The following PARP6 variants were observed in gnomAD, a reference collection of about 807,000 sequenced individuals.
The protein encoded by PARP6 is protein mono-ADP-ribosyltransferase PARP6.
PARP6 carries 27 observed loss-of-function variants against 92.0 expected under a neutral mutation model. The observed-to-expected ratio is 0.29, with a 90% CI of 0.22 to 0.40. PARP6 has a LOEUF of 0.40. PARP6 is among the 10% of genes least tolerant of loss of function. The pLI is 1.00. For missense variants in PARP6, 501 were observed against 784.5 expected, an observed-to-expected ratio of 0.64 and a Z score of 4.32; for synonymous variants, 272 against 281.2, an observed-to-expected ratio of 0.97 and a Z score of 0.33.
At chr15:72,262,416 CT>C (rs2086013729) in intron 8 of PARP6, among the ~76,000 whole-genome samples, 2 of 152,156 alleles carry the variant, frequency 1.3e-5, no homozygotes, top group Admixed American at 1.3e-4. Flanking sequence ...TAAGGTGACC[CT>C]TCTACCTAAG....
At chr15:72,266,040 G>A in intron 4 of PARP6, 49 bp from the exon 5 acceptor site, 1 of 1,172,384 alleles carries the variant, frequency 8.5e-7, no homozygotes, top group South Asian at 1.2e-5. Context: ...AAAAGACGAG[G>A]GAAAGAGAGA....
intron 20 of PARP6, among the ~76,000 whole-genome samples, chr15:72,246,333 A>G (rs1261030135): frequency 6.6e-6 from 1 of 152,170 alleles, no homozygotes; most frequent in African/African-American, 2.4e-5. Flanking sequence ...TATTTTTAGT[A>G]GAGACAGGGT....
In PARP6 at chr15:72,250,054, T is replaced by C. The variant is rs780304640; in HGVS notation, c.1457A>G (p.Asn486Ser). Residue 486 changes from asparagine to serine, a missense_variant, in exon 19 of 24, where the codon AAT becomes AGT. This residue lies in a region of PARP6 where 191 missense variants were observed against 399.1 expected (regional missense o/e 0.48). Transcript: ENST00000569795. ...HIENWHSILR[N>S]GLVNASYTKL... Reference sequence around the variant, plus strand: ...GGTGTAGGATGCATTGACCAGCCCATTGCGCAGGATCGAATGCCAGTTCTC... The same window carrying C: ...GGTGTAGGATGCATTGACCAGCCCACTGCGCAGGATCGAATGCCAGTTCTC... The C allele has an allele frequency of 6.8e-6, 11 of 1,611,924 alleles. No individual in the cohort carries two copies. In the Admixed American group the frequency reaches 1.3e-4, roughly 20 times the overall value.
At position 72,241,500 on chromosome 15, in the gene PARP6, C is replaced by T. The variant is rs758453228; in HGVS notation, c.1848G>A (p.Gln616=). ...ANINTQDPKI[Q]KEIMRVIGTQ... ...TTCCGATCACACGCATGATTTCCTT[C>T]TGTATCTTGGGGTCCTGAGTATTAA... Residue 616 remains glutamine (Q), a synonymous_variant, in exon 24 of 24, where the codon CAG becomes CAA. Coordinates refer to ENST00000569795, the MANE Select transcript of PARP6 (RefSeq NM_001323532.2). This position sits in a 1 kb window ranked among gnomAD's most constrained non-coding sequence, Gnocchi z 4.1. The T allele has an allele frequency of 1.2e-6, 2 of 1,614,176 alleles. No homozygotes were observed. The highest frequency in any genetic ancestry group is 2.2e-5 in the South Asian group (2 of 91,080).
intron 20 of PARP6, chr15:72,243,911 T>C (rs571969445): frequency 6.6e-6 from 1 of 152,380 alleles, no homozygotes; most frequent in African/African-American, 2.4e-5. Context: ...CTCATAGCCA[T>C]GGTGTAGAAA....
chr15:72,265,259 A>ACAGT, intron 6 of PARP6, 88 bp from the exon 7 acceptor site: 1 of 1,033,072 alleles, frequency 9.7e-7, no homozygotes, highest in Admixed American at 1.8e-5. Context: ...CATGCACATG[A>ACAGT]CAGTACACAC....
rs1186657118 is a variant in PARP6, at chr15:72,272,545, G to A, written c.-612C>T. On this transcript the variant is annotated 5_prime_UTR_variant, in exon 1 of 24. Coordinates refer to ENST00000569795, the MANE Select transcript of PARP6 (RefSeq NM_001323532.2). ...CGCGGCCGCAGCCGACGGGACGAGC[G>A]GCCCGGGACGCCCCGCGGGGGCGGA... 1 of 150,862 alleles carries A rather than the reference G, an allele frequency of 6.6e-6. No homozygotes were observed. The highest frequency in any genetic ancestry group is 2.4e-5 in the African/African-American group (1 of 41,274). 9.3% of individuals were successfully genotyped at this position (150,862 alleles called of 1,614,324 possible). A position where few individuals can be genotyped will look rare whatever the true frequency, so the allele number is the denominator to read the frequency against.
At position 72,242,906 on chromosome 15, in the gene PARP6, T is replaced by C. The variant is rs974129990; in HGVS notation, c.1562-207A>G. 3.6e-6 allele frequency: 2 copies of C among 555,576 alleles called. No individual in the cohort carries two copies. Among genetic ancestry groups the C allele is most frequent in the Admixed American group, 3.5e-5 (1 of 28,656 alleles). 34.4% of individuals were successfully genotyped at this position (555,576 alleles called of 1,614,324 possible). ...TGGTAAGGGGTTGTGATGCAGATTATAGAGCATGGTGTGAGCCTAGAGGAG... is the reference window on the plus strand; with the variant it reads ...TGGTAAGGGGTTGTGATGCAGATTACAGAGCATGGTGTGAGCCTAGAGGAG... On this transcript the variant is annotated intron_variant, in intron 20 of 23. Coordinates refer to ENST00000569795, the MANE Select transcript of PARP6 (RefSeq NM_001323532.2). The surrounding 1 kb of genome is among the most constrained non-coding windows in gnomAD (Gnocchi z 4.3).
chr15:72,244,983 G>C (rs1447234782), intron 20 of PARP6: 2 of 152,954 alleles, frequency 1.3e-5, no homozygotes, highest in African/African-American at 2.4e-5. Flanking sequence ...CAGCCAAAGA[G>C]AGAGCTTGTG....
At chr15:72,259,777 A>G in intron 10 of PARP6, 116 bp from the exon 11 acceptor site, 1 of 842,538 alleles carries the variant, frequency 1.2e-6, no homozygotes. Flanking sequence ...CTAGCTCAGA[A>G]TCCCGAAGCT....
chr15:72,242,272 T>C lies in PARP6; in HGVS notation c.1642-52A>G. The C allele has an allele frequency of 7.0e-7, 1 of 1,430,220 alleles. No homozygotes were observed. Among genetic ancestry groups the C allele is most frequent in the Non-Finnish European group, 9.9e-7 (1 of 1,013,708 alleles). 88.6% of individuals were successfully genotyped at this position (1,430,220 alleles called of 1,614,324 possible). On this transcript the variant is annotated intron_variant, in intron 21 of 23. Transcript: ENST00000569795. The surrounding 1 kb of genome is among the most constrained non-coding windows in gnomAD (Gnocchi z 4.3). ...CAGAGCCAGGTAGATGGGTACAGCT[T>C]TCCCTAGAGAGGCTGGTTAGCTGAT... is the stretch of plus-strand genomic sequence containing the variant.
rs372234832 is a variant in PARP6, at chr15:72,241,891, C to T, written c.1790+10G>A. On this transcript the variant is annotated intron_variant, in intron 23 of 23. Transcript: ENST00000569795. The surrounding 1 kb of genome is among the most constrained non-coding windows in gnomAD (Gnocchi z 4.1). ...CCTCGAGTAATCCCCAGAGTCCCTCCGACACTTACACAAAGAAGAATCTTG... is the reference window on the plus strand; with the variant it reads ...CCTCGAGTAATCCCCAGAGTCCCTCTGACACTTACACAAAGAAGAATCTTG... 37 of 1,600,084 alleles carry T rather than the reference C, an allele frequency of 2.3e-5. No homozygotes were observed. The highest frequency in any genetic ancestry group is 1.7e-4 in the Middle Eastern group (1 of 5,934).
At chr15:72,264,913 G>A (rs889536690) in intron 7 of PARP6, among the ~76,000 whole-genome samples, 168 bp downstream of exon 7, 2 of 152,182 alleles carry the variant, frequency 1.3e-5, no homozygotes, top group African/African-American at 4.8e-5. Flanking sequence ...TGGTTATTAG[G>A]TGACAGGGGA....
In PARP6 at chr15:72,241,958, T is replaced by A; in HGVS notation, c.1733A>T (p.His578Leu). 6.2e-7 allele frequency: 1 copy of A among 1,613,408 alleles called. No homozygotes were observed. Among genetic ancestry groups the A allele is most frequent in the Non-Finnish European group, 8.5e-7 (1 of 1,179,336 alleles). Reference protein sequence around the residue: ...EVITSKDLQKHGNIWVCPVSD... With the variant: ...EVITSKDLQKLGNIWVCPVSD... The stretch of plus-strand genomic sequence containing the variant: ...CACAGGGCACACCCAGATGTTCCCA[T>A]GCTTCTGGAGGTCCTTAGATGTAAT... Residue 578 changes from histidine to leucine, a missense_variant, in exon 23 of 24, where the codon CAT becomes CTT. By Grantham distance (99) the His-to-Leu change is moderately conservative (BLOSUM62 -3). Transcript: ENST00000569795. This position sits in a 1 kb window ranked among gnomAD's most constrained non-coding sequence, Gnocchi z 4.1.
chr15:72,249,135 C>A lies in PARP6; in HGVS notation c.1561+110G>T, dbSNP rs1183747496. 8.8e-6 allele frequency: 5 copies of A among 566,368 alleles called. No individual in the cohort carries two copies. The African/African-American group carries it at 9.2e-5, about 10-fold the overall frequency. The allele number at this position is 566,368 out of a possible 1,614,324, so 35.1% of individuals were successfully genotyped here. A position where few individuals can be genotyped will look rare whatever the true frequency, so the allele number is the denominator to read the frequency against. On this transcript the variant is annotated intron_variant, in intron 20 of 23. Transcript: ENST00000569795. ...TATGTATCCATGATCGGGGAGAGAG[C>A]TGACACAGACCAAGTATCCATAATG...
chr15:72,263,484 A>T (rs2086163512), intron 8 of PARP6, among the ~76,000 whole-genome samples: 1 of 152,172 alleles, frequency 6.6e-6, no homozygotes, highest in Non-Finnish European at 1.5e-5. Context: ...TGACCACGTC[A>T]TTTCTTTCCC....
intron 2 of PARP6, among the ~76,000 whole-genome samples, chr15:72,268,350 C>T (rs1031842558): frequency 1.3e-5 from 2 of 152,188 alleles, no homozygotes; most frequent in Admixed American, 6.5e-5. Context: ...GATTCAGAAT[C>T]GGATTATTTC....
intron 15 of PARP6, chr15:72,254,154 G>A (rs762460280): frequency 4.3e-6 from 2 of 468,678 alleles, no homozygotes; most frequent in Non-Finnish European, 8.0e-6. Flanking sequence ...ACCCTGGGCA[G>A]AGGTCTTTCC....
In PARP6 at chr15:72,242,311, G is replaced by T; in HGVS notation, c.1642-91C>A. The T allele has an allele frequency of 9.8e-7, 1 of 1,019,096 alleles. No individual in the cohort carries two copies. The highest frequency in any genetic ancestry group is 1.5e-6 in the Non-Finnish European group (1 of 651,670). The allele number at this position is 1,019,096 out of a possible 1,614,324, so 63.1% of individuals were successfully genotyped here. Reference sequence around the variant, plus strand: ...TGGTTAGCTGATGATTGGGAGTGGGGATCAGAGATATCCTGGGCTCCCAGC... The same window carrying T: ...TGGTTAGCTGATGATTGGGAGTGGGTATCAGAGATATCCTGGGCTCCCAGC... On this transcript the variant is annotated intron_variant, in intron 21 of 23. Transcript: ENST00000569795. This position sits in a 1 kb window ranked among gnomAD's most constrained non-coding sequence, Gnocchi z 4.3.
Sources: allele counts gnomAD v4.1 joint callset (sites outside exome capture counted in the v4.1 genomes callset), GRCh38; gene constraint gnomAD v4.1.1; regional missense constraint gnomAD v4.1.1; non-coding constraint Gnocchi (gnomAD v3.1); transcripts MANE v1.5; gene names NCBI Gene and HGNC (gene_info 2026-07-23, HGNC 2026-07-21).